GALNT5: variants seen among roughly 807,000 people sequenced by gnomAD.
The protein encoded by GALNT5 is UDP-GalNAc:polypeptide N-acetylgalactosaminyltransferase 5.
Under a neutral mutation model 85.4 loss-of-function variants are expected in GALNT5, and 72 were observed. The observed-to-expected ratio is 0.84, with a 90% confidence interval of 0.70 to 1.03. The LOEUF is 1.03. Among genes scored for constraint, GALNT5 ranks in the 50% least tolerant of loss-of-function variants. The pLI is 0.00. For synonymous variants in GALNT5, 404 were observed against 397.0 expected (o/e 1.02, Z -0.21); for missense variants, 1,137 against 1,135.5 (o/e 1.00, Z -0.02).
intron 1 of GALNT5, among the ~76,000 whole-genome samples, chr2:157,263,288 CTT>C (rs923094340): frequency 6.6e-6 from 1 of 152,194 alleles, no homozygotes; most frequent in Non-Finnish European, 1.5e-5. Context: ...AAGCTAATCT[CTT>C]TGCTCTTCTC....
chr2:157,268,652 A>G (rs1260912785), intron 1 of GALNT5, among the ~76,000 whole-genome samples: 1 of 152,220 alleles, frequency 6.6e-6, no homozygotes, highest in Non-Finnish European at 1.5e-5. Context: ...GTCTCTTGTC[A>G]TCTTTCTCAA....
chr2:157,311,016 T>C (rs1165703269), intron 9 of GALNT5, among the ~76,000 whole-genome samples, 192 bp from the exon 10 acceptor site: 2 of 152,182 alleles, frequency 1.3e-5, no homozygotes, highest in Admixed American at 6.5e-5. Context: ...TGGAGGATGA[T>C]TACTTAGTCT....
chr2:157,313,965 A>G lies in GALNT5; in HGVS notation c.*2617A>G, dbSNP rs1331429745. The G allele has an allele frequency of 1.3e-5, 2 of 152,172 alleles. No homozygotes were observed. Among genetic ancestry groups the G allele is most frequent in the African/African-American group, 4.8e-5 (2 of 41,450 alleles). The allele number at this position is 152,172 out of a possible 1,614,324, so 9.4% of individuals were successfully genotyped here. A position where few individuals can be genotyped will look rare whatever the true frequency, so the allele number is the denominator to read the frequency against. On this transcript the variant is annotated 3_prime_UTR_variant, in exon 10 of 10. Transcript: ENST00000259056. ...AACTGATCACTAGTTGGGAATCTAT[A>G]TGGGCCTAAACTTGAGTGTATTGAT...
intron 7 of GALNT5, among the ~76,000 whole-genome samples, chr2:157,304,689 C>A (rs986234946): frequency 3.3e-5 from 5 of 152,182 alleles, no homozygotes; most frequent in African/African-American, 4.8e-5. Flanking sequence ...ACAAGTCTTT[C>A]TTGCCAACCT....
rs756128818 is a variant in GALNT5 at position 157,311,322 on chromosome 2, A to G, written c.2797A>G (p.Lys933Glu). 1.2e-6 allele frequency: 2 copies of G among 1,608,340 alleles called. No individual in the cohort carries two copies. The highest frequency in any genetic ancestry group is 2.2e-5 in the South Asian group (2 of 90,024). The change falls in exon 10 of 10, where the codon AAA becomes GAA. Residue 933 changes from lysine to glutamate, a missense_variant. Coordinates refer to ENST00000259056, the MANE Select transcript of GALNT5 (RefSeq NM_014568.3). ...CCCAGTGAAGCCATATCAAAAGTGG[A>G]AATTTGAAAAATATTATGAAGCCTG... The part of the protein sequence containing the change: ...CDPVKPYQKW[K>E]FEKYYEA
At position 157,316,961 on chromosome 2, in the gene GALNT5, T is replaced by G. The variant is rs1044083114; in HGVS notation, c.*5613T>G. On this transcript the variant is annotated 3_prime_UTR_variant, in exon 10 of 10. Transcript: ENST00000259056. ...TGCTGTTTCTAATAATGAGTCACCATCAAATAAGTAATAAATATTTTTTTC... is the reference window on the plus strand; with the variant it reads ...TGCTGTTTCTAATAATGAGTCACCAGCAAATAAGTAATAAATATTTTTTTC... Among the ~76,000 whole-genome samples, 6 of 151,956 alleles carry G rather than the reference T, an allele frequency of 3.9e-5. No individual in the cohort carries two copies. The highest frequency in any genetic ancestry group is 5.9e-5 in the Non-Finnish European group (4 of 67,928).
At chr2:157,279,114 C>A (rs947980889) in intron 1 of GALNT5, among the ~76,000 whole-genome samples, 23 of 152,220 alleles carry the variant, frequency 1.5e-4, no homozygotes, top group Admixed American at 1.4e-3. Flanking sequence ...GAGGTCCACT[C>A]CAGACCCTGT....
chr2:157,265,663 C>T (rs1015884105), intron 1 of GALNT5, among the ~76,000 whole-genome samples: 6 of 152,114 alleles, frequency 3.9e-5, no homozygotes, highest in African/African-American at 1.4e-4. Flanking sequence ...TACTCTTGGC[C>T]CTGAAAATAA....
In GALNT5 at chr2:157,300,781, G is replaced by C. The variant is rs772581313; in HGVS notation, c.2221G>C (p.Val741Leu). 8.7e-6 allele frequency: 14 copies of C among 1,613,990 alleles called. No individual in the cohort carries two copies. The South Asian group carries it at 1.4e-4, about 16-fold the overall frequency. The change falls in exon 7 of 10, where the codon GTG (valine) becomes CTG (leucine). Residue 741 changes from valine (V) to leucine (L), a missense_variant. By Grantham distance (32) the Val-to-Leu change is conservative (BLOSUM62 1). Transcript: ENST00000259056. ...YSFPKDRMKT[V>L]ERNLVRVAEV... ...CTTCCCCAAAGACCGGATGAAGACAGTGGAGCGGAACTTGGTGCGGGTTGC... is the reference window on the plus strand; with the variant it reads ...CTTCCCCAAAGACCGGATGAAGACACTGGAGCGGAACTTGGTGCGGGTTGC...
rs1683657164 is a variant in GALNT5 at position 157,314,694 on chromosome 2, A to G, written c.*3346A>G. 6.6e-6 allele frequency among the ~76,000 whole-genome samples: 1 copy of G among 152,242 alleles called. No homozygotes were observed. The highest frequency in any genetic ancestry group is 1.5e-5 in the Non-Finnish European group (1 of 68,048). On this transcript the variant is annotated 3_prime_UTR_variant, in exon 10 of 10. Transcript: ENST00000259056. The stretch of plus-strand genomic sequence containing the variant: ...TTGTAATTATTTCTAGCAGGCACTC[A>G]TGCAATAGAATAAGATTGAAACATG...
At chr2:157,310,561 A>G (rs1683548055) in intron 9 of GALNT5, among the ~76,000 whole-genome samples, 1 of 152,216 alleles carries the variant, frequency 6.6e-6, no homozygotes, top group African/African-American at 2.4e-5. Context: ...TGTCTTTGTC[A>G]TAGTCATACG....
intron 1 of GALNT5, among the ~76,000 whole-genome samples, chr2:157,281,065 T>C (rs1328080600): frequency 3.0e-4 from 46 of 152,156 alleles, no homozygotes; most frequent in Admixed American, 2.5e-3. Flanking sequence ...CTTTCTTTCT[T>C]TCTTTCTTTT....
Position 157,284,309 on chromosome 2 carries a change from C to T in GALNT5, c.1482C>T (p.Asn494=). 6.2e-7 allele frequency: 1 copy of T among 1,613,996 alleles called. No homozygotes were observed. The highest frequency in any genetic ancestry group is 8.5e-7 in the Non-Finnish European group (1 of 1,179,914). The change falls in exon 2 of 10, where the codon AAC becomes AAT. Residue 494 remains asparagine, a synonymous_variant. Transcript: ENST00000259056. ...AGCAEQLVHN[N]LPTTSVIMCF... ...GTGCAGAGCAGCTAGTTCACAATAACCTCCCAACCACCAGTGTCATCATGT... is the reference window on the plus strand; with the variant it reads ...GTGCAGAGCAGCTAGTTCACAATAATCTCCCAACCACCAGTGTCATCATGT...
At chr2:157,303,256 A>G (rs184975489) in intron 7 of GALNT5, among the ~76,000 whole-genome samples, 4 of 152,328 alleles carry the variant, frequency 2.6e-5, no homozygotes, top group East Asian at 1.9e-4. Context: ...CTCCACAAGC[A>G]GAAATTTAAA....
intron 1 of GALNT5, among the ~76,000 whole-genome samples, chr2:157,261,883 G>A (rs138522922): frequency 2.0e-5 from 3 of 152,066 alleles, no homozygotes; most frequent in Non-Finnish European, 2.9e-5. Flanking sequence ...GTTTGAGGTA[G>A]CTGCTTACAG....
At chr2:157,274,638 C>T (rs560511576) in intron 1 of GALNT5, among the ~76,000 whole-genome samples, 10 of 152,208 alleles carry the variant, frequency 6.6e-5, no homozygotes, top group South Asian at 4.2e-4. Flanking sequence ...TTTTGAGAAG[C>T]GTCTGTTGAT....
intron 7 of GALNT5, chr2:157,302,514 T>C (rs184848127): frequency 6.6e-6 from 1 of 152,170 alleles, no homozygotes; most frequent in Non-Finnish European, 1.5e-5. Context: ...ATATACACTG[T>C]TCAAATAACA....
Position 157,311,628 on chromosome 2 carries a change from C to G in GALNT5, c.*280C>G. 4.1e-6 allele frequency: 1 copy of G among 242,048 alleles called. No individual in the cohort carries two copies. The highest frequency in any genetic ancestry group is 7.8e-6 in the Non-Finnish European group (1 of 127,600). 15.0% of individuals were successfully genotyped at this position (242,048 alleles called of 1,614,324 possible). A position where few individuals can be genotyped will look rare whatever the true frequency, so the allele number is the denominator to read the frequency against. On this transcript the variant is annotated 3_prime_UTR_variant, in exon 10 of 10. Coordinates refer to ENST00000259056, the MANE Select transcript of GALNT5 (RefSeq NM_014568.3). Reference sequence around the variant, plus strand: ...ATGCAAATTTCCCTGTGAAAGCTAACAGGTAACTGGAAATGAAGACAGAAG... The same window carrying G: ...ATGCAAATTTCCCTGTGAAAGCTAAGAGGTAACTGGAAATGAAGACAGAAG...
intron 1 of GALNT5, among the ~76,000 whole-genome samples, chr2:157,269,632 T>C (rs1228966869): frequency 6.6e-6 from 1 of 152,178 alleles, no homozygotes; most frequent in African/African-American, 2.4e-5. Context: ...ATCGGGGGAA[T>C]AGAGGATTAG....
Sources: allele counts gnomAD v4.1 joint callset (sites outside exome capture counted in the v4.1 genomes callset), GRCh38; gene constraint gnomAD v4.1.1; transcripts MANE v1.5; gene names NCBI Gene and HGNC (gene_info 2026-07-23, HGNC 2026-07-21).